Variants in RYR2 observed in about 807,000 individuals in gnomAD.
RYR2 encodes ryanodine receptor 2.
RYR2 carries 227 observed loss-of-function variants against 601.1 expected under a neutral mutation model. That is an observed-to-expected ratio of 0.38 (90% confidence interval 0.34 to 0.42). RYR2 has a LOEUF of 0.42. Among genes scored for constraint, RYR2 ranks in the 10% least tolerant of loss-of-function variants. RYR2 has a pLI of 1.00. For synonymous variants in RYR2, 2,223 were observed against 2,175.1 expected, an observed-to-expected ratio of 1.02 and a Z score of -0.61; for missense variants, 4,646 against 6,156.5, an observed-to-expected ratio of 0.75 and a Z score of 8.21.
intron 6 of RYR2, 32 bp downstream of exon 6, chr1:237,369,640 G>A: frequency 6.5e-7 from 1 of 1,534,980 alleles, no homozygotes; most frequent in Non-Finnish European, 8.8e-7. Context: ...TCTCCCTGTG[G>A]TCATGCTGAT....
At chr1:237,415,305 G>GA (rs1391134565) in intron 10 of RYR2, among the ~76,000 whole-genome samples, 1 of 152,118 alleles carries the variant, frequency 6.6e-6, no homozygotes, top group Non-Finnish European at 1.5e-5. Flanking sequence ...AGCGACAGTT[G>GA]AAAATCACTG....
intron 1 of RYR2, among the ~76,000 whole-genome samples, chr1:237,249,126 A>G (rs1687208508): frequency 6.6e-6 from 1 of 152,180 alleles, no homozygotes; most frequent in African/African-American, 2.4e-5. Flanking sequence ...GATATCAGAT[A>G]CCAGCTGAGT....
intron 1 of RYR2, among the ~76,000 whole-genome samples, chr1:237,179,956 G>A (rs780112609): frequency 7.9e-5 from 12 of 152,180 alleles, no homozygotes; most frequent in Middle Eastern, 3.4e-3. Flanking sequence ...TTTGTAAGCC[G>A]GAAGCGCAGA....
intron 3 of RYR2, 107 bp downstream of exon 3, chr1:237,331,089 C>A: frequency 1.1e-6 from 1 of 903,668 alleles, no homozygotes; most frequent in South Asian, 1.4e-5. Flanking sequence ...AAAATAAGTC[C>A]ATGCCTTTCA....
intron 1 of RYR2, among the ~76,000 whole-genome samples, chr1:237,160,212 T>C (rs530615040): frequency 6.6e-6 from 1 of 152,218 alleles, no homozygotes; most frequent in African/African-American, 2.4e-5. Flanking sequence ...CAAGTTTATA[T>C]GTATTATTTG....
At chr1:237,246,027 G>A (rs571816229) in intron 1 of RYR2, among the ~76,000 whole-genome samples, 17 of 152,030 alleles carry the variant, frequency 1.1e-4, no homozygotes, top group South Asian at 4.2e-4. Flanking sequence ...TGATCTGCCC[G>A]CCTTGGCCTC....
chr1:237,473,857 A>G lies in RYR2; in HGVS notation c.1708+4670A>G, dbSNP rs532493033. 3.3e-5 allele frequency among the ~76,000 whole-genome samples: 5 copies of G among 152,178 alleles called. 1 individual carries two copies. In the South Asian group the frequency reaches 6.2e-4, roughly 19 times the overall value. ...ACTGATAATGACAAGCATTACCTCT[A>G]CATTTACATGGCCAATAGACAGACC... On this transcript the variant is annotated intron_variant, in intron 17 of 104. Transcript: ENST00000366574.
At position 237,831,481 on chromosome 1, in the gene RYR2, G is replaced by A. The variant is rs767345379; in HGVS notation, c.14757-33G>A. Reference sequence around the variant, plus strand: ...CTGTTTATCCTAATATTTCCATACCGTTCATTTCTGATCAGTTTCTCTGTA... The same window carrying A: ...CTGTTTATCCTAATATTTCCATACCATTCATTTCTGATCAGTTTCTCTGTA... On this transcript the variant is annotated intron_variant, in intron 103 of 104. Coordinates refer to ENST00000366574, the MANE Select transcript of RYR2 (RefSeq NM_001035.3). 4.3e-5 allele frequency: 52 copies of A among 1,208,648 alleles called. No individual in the cohort carries two copies. The East Asian group carries it at 4.9e-4, about 11-fold the overall frequency. 74.9% of individuals were successfully genotyped at this position (1,208,648 alleles called of 1,614,324 possible).
At chr1:237,399,144 G>A (rs530862630) in intron 10 of RYR2, among the ~76,000 whole-genome samples, 2 of 152,284 alleles carry the variant, frequency 1.3e-5, no homozygotes, top group Non-Finnish European at 2.9e-5. Context: ...GCAGTGAGCT[G>A]AGATCATGCC....
intron 1 of RYR2, among the ~76,000 whole-genome samples, chr1:237,074,533 A>C (rs1012609399): frequency 6.6e-6 from 1 of 152,104 alleles, no homozygotes; most frequent in Non-Finnish European, 1.5e-5. Flanking sequence ...CTCCAAAGTC[A>C]CCTGCTTTTG....
intron 29 of RYR2, among the ~76,000 whole-genome samples, chr1:237,589,513 C>T (rs1674913698): frequency 6.6e-6 from 1 of 152,194 alleles, no homozygotes; most frequent in African/African-American, 2.4e-5. Context: ...GGACCAGGGG[C>T]TGCATAGCAT....
intron 1 of RYR2, among the ~76,000 whole-genome samples, chr1:237,159,797 G>A (rs964083961): frequency 1.3e-5 from 2 of 152,128 alleles, no homozygotes; most frequent in Non-Finnish European, 2.9e-5. Flanking sequence ...AACTTATAGG[G>A]AAATAAAACA....
At chr1:237,420,991 A>G (rs1226671939) in intron 11 of RYR2, among the ~76,000 whole-genome samples, 2 of 152,240 alleles carry the variant, frequency 1.3e-5, no homozygotes, top group Non-Finnish European at 2.9e-5. Flanking sequence ...CTGTAATCCC[A>G]TCACTTTGGG....
At chr1:237,630,655 A>C (rs1680149581) in intron 41 of RYR2, among the ~76,000 whole-genome samples, 1 of 152,168 alleles carries the variant, frequency 6.6e-6, no homozygotes, top group African/African-American at 2.4e-5. Flanking sequence ...GACTCTTGGC[A>C]TCGATTTGAT....
chr1:237,798,289 GAA>G, intron 97 of RYR2, 119 bp downstream of exon 97: 1 of 887,746 alleles, frequency 1.1e-6, no homozygotes, highest in Non-Finnish European at 1.6e-6. Context: ...GATAGATGAG[GAA>G]AACAGAAAGT....
intron 1 of RYR2, among the ~76,000 whole-genome samples, chr1:237,193,115 G>A (rs1416720640): frequency 7.6e-6 from 1 of 130,864 alleles, no homozygotes; most frequent in Non-Finnish European, 1.6e-5. Context: ...GAGGTCAGGA[G>A]ATCAAGACCA....
At chr1:237,631,047 G>T (rs1455850142) in intron 41 of RYR2, among the ~76,000 whole-genome samples, 1 of 152,086 alleles carries the variant, frequency 6.6e-6, no homozygotes, top group Non-Finnish European at 1.5e-5. Flanking sequence ...GAAAAGCAGA[G>T]ATACTTATAT....
intron 43 of RYR2, 45 bp from the exon 44 acceptor site, chr1:237,634,844 T>G: frequency 1.4e-6 from 2 of 1,449,852 alleles, no homozygotes; most frequent in Non-Finnish European, 9.5e-7. Context: ...AGTTTATAGT[T>G]ACAGCACGAT....
At chr1:237,596,403 A>G (rs906481023) in intron 34 of RYR2, among the ~76,000 whole-genome samples, 3 of 152,198 alleles carry the variant, frequency 2.0e-5, no homozygotes, top group African/African-American at 7.2e-5. Context: ...CAATAAATGA[A>G]ATAAAATATA....
Sources: allele counts gnomAD v4.1 joint callset (sites outside exome capture counted in the v4.1 genomes callset), GRCh38; gene constraint gnomAD v4.1.1; transcripts MANE v1.5; gene names NCBI Gene and HGNC (gene_info 2026-07-23, HGNC 2026-07-21).